The following ANK2 variants were observed in gnomAD, a reference collection of about 807,000 sequenced individuals.
The protein encoded by ANK2 is ankyrin 2.
In ANK2, 83 loss-of-function variants were observed where a neutral mutation model predicts 360.5. That is an observed-to-expected ratio of 0.23 (90% CI 0.19 to 0.28). ANK2 has a LOEUF of 0.28. Among genes scored for constraint, ANK2 ranks in the 10% least tolerant of loss-of-function variants. ANK2 has a pLI of 1.00. For missense variants in ANK2, 4,201 were observed against 4,795.7 expected (o/e 0.88, Z 3.66); for synonymous variants, 1,740 against 1,759.5 (o/e 0.99, Z 0.28).
At chr4:113,129,945 C>T (rs2095904761) in intron 1 of ANK2, among the ~76,000 whole-genome samples, 1 of 152,072 alleles carries the variant, frequency 6.6e-6, no homozygotes, top group South Asian at 2.1e-4. Flanking sequence ...TTCTATCTCC[C>T]TTCTGTTTTG....
rs559026488 is a variant in ANK2 at position 112,833,499 on chromosome 4, G to A, written c.-40+15235G>A. On this transcript the variant is annotated intron_variant, in intron 1 of 30. Coordinates refer to the ANK2 transcript ENST00000503271. ...ATATTTTTTCTTTTAATTTATGAAT[G>A]ATTTATGTATTTTTTTTTTTTTGAG... is the stretch of plus-strand genomic sequence containing the variant. Among the ~76,000 whole-genome samples the A allele has an allele frequency of 4.3e-5, 6 of 139,994 alleles. No individual in the cohort carries two copies. In the East Asian group the frequency reaches 1.4e-3, roughly 32 times the overall value. 91.8% of individuals were successfully genotyped at this position (139,994 alleles called of 152,430 possible).
chr4:113,293,299 G>C, intron 21 of ANK2, 141 bp from the exon 22 acceptor site: 3 of 764,506 alleles, frequency 3.9e-6, no homozygotes, highest in Non-Finnish European at 6.8e-6. Flanking sequence ...TAGACGTAAT[G>C]GTAAAAACTA....
the ANK2 span, among the ~76,000 whole-genome samples, chr4:112,736,923 T>G: frequency 0.02 from 3,022 of 152,250 alleles, 115 homozygotes; most frequent in African/African-American, 0.069. Flanking sequence ...AGGAGCACAA[T>G]TACATTGTTC....
intron 1 of ANK2, among the ~76,000 whole-genome samples, chr4:113,071,414 T>A (rs1274649385): frequency 6.6e-6 from 1 of 152,198 alleles, no homozygotes; most frequent in Non-Finnish European, 1.5e-5. Context: ...GACCAAGAGA[T>A]CAGGCAGGGC....
intron 4 of ANK2, among the ~76,000 whole-genome samples, chr4:113,207,123 A>T (rs2098960978): frequency 6.6e-6 from 1 of 152,200 alleles, no homozygotes; most frequent in South Asian, 2.1e-4. Context: ...ACACACACAC[A>T]CACACTCCCA....
chr4:113,107,509 G>A (rs573076595), intron 1 of ANK2, among the ~76,000 whole-genome samples: 5 of 152,122 alleles, frequency 3.3e-5, no homozygotes, highest in Non-Finnish European at 5.9e-5. Context: ...GAGCCACCGC[G>A]CCCAGCCAGT....
chr4:112,971,522 A>C (rs1187928065), intron 2 of ANK2, among the ~76,000 whole-genome samples: 1 of 152,238 alleles, frequency 6.6e-6, no homozygotes, highest in Non-Finnish European at 1.5e-5. Context: ...CTATAAGGGC[A>C]TATTGTAATT....
intron 2 of ANK2, among the ~76,000 whole-genome samples, chr4:112,981,404 T>C (rs1266187266): frequency 6.6e-6 from 1 of 152,120 alleles, no homozygotes; most frequent in Non-Finnish European, 1.5e-5. Context: ...GAGAAGCGGA[T>C]TGAGAACAGT....
chr4:113,352,112 C>T (rs986140354), intron 37 of ANK2, among the ~76,000 whole-genome samples: 4 of 152,168 alleles, frequency 2.6e-5, no homozygotes, highest in Non-Finnish European at 4.4e-5. Flanking sequence ...TCCTCCTGCC[C>T]ATACGTTTCA....
At chr4:113,174,330 T>G in intron 1 of ANK2, 86 bp from the exon 2 acceptor site, 1 of 1,140,954 alleles carries the variant, frequency 8.8e-7, no homozygotes, top group Non-Finnish European at 1.3e-6. Context: ...CTTTTCTGAC[T>G]TCAGTGTAAA....
upstream of ANK2, among the ~76,000 whole-genome samples, chr4:112,816,191 CA>C (rs2149483818): frequency 6.6e-6 from 1 of 152,308 alleles, no homozygotes; most frequent in East Asian, 1.9e-4. Flanking sequence ...TTGGTGTCTG[CA>C]GAAAATTGGG....
intron 20 of ANK2, 25 bp downstream of exon 20, chr4:113,288,511 A>T: frequency 6.3e-7 from 1 of 1,591,218 alleles, no homozygotes; most frequent in Non-Finnish European, 8.6e-7. Context: ...GTCATTTTCA[A>T]TTCCTATAAG....
intron 20 of ANK2, among the ~76,000 whole-genome samples, chr4:113,290,456 A>T (rs1431757304): frequency 3.3e-5 from 5 of 152,196 alleles, no homozygotes; most frequent in African/African-American, 1.2e-4. Context: ...TGGCAAAATT[A>T]ACTTGTTTTA....
In ANK2 at chr4:112,820,802, T is replaced by C. The variant is rs186763868; in HGVS notation, c.-40+2538T>C. Among the ~76,000 whole-genome samples, 8 of 152,040 alleles carry C rather than the reference T, an allele frequency of 5.3e-5. No individual in the cohort carries two copies. The South Asian group carries it at 1.5e-3, about 28-fold the overall frequency. On this transcript the variant is annotated intron_variant, in intron 1 of 30. Coordinates refer to the ANK2 transcript ENST00000503271. ...TTGCCCAGGCTGGAGTGCAGGGGCA[T>C]GATCATAGCTCATGTAACCTTAAAC...
At chr4:112,719,447 G>C in the ANK2 span, among the ~76,000 whole-genome samples, 1 of 152,018 alleles carries the variant, frequency 6.6e-6, no homozygotes, top group Non-Finnish European at 1.5e-5. Context: ...GGTATAATTC[G>C]GCCGGGCACG....
chr4:112,895,998 C>T (rs748140059), intron 1 of ANK2, among the ~76,000 whole-genome samples: 1 of 152,220 alleles, frequency 6.6e-6, no homozygotes, highest in Non-Finnish European at 1.5e-5. Context: ...TTTGCCTCAG[C>T]ATGCTGCATA....
the ANK2 span, among the ~76,000 whole-genome samples, chr4:112,749,862 C>T: frequency 6.6e-6 from 1 of 152,038 alleles, no homozygotes; most frequent in African/African-American, 2.4e-5. Flanking sequence ...TCTCCTGCCT[C>T]AGGCTCCCGA....
At chr4:113,285,341 G>C (rs1024923136) in intron 18 of ANK2, among the ~76,000 whole-genome samples, 3 of 152,060 alleles carry the variant, frequency 2.0e-5, no homozygotes, top group Non-Finnish European at 4.4e-5. Context: ...GATCCCTTCA[G>C]TTGAGGGCTC....
intron 1 of ANK2, among the ~76,000 whole-genome samples, chr4:113,173,632 C>T (rs189640970): frequency 1.5e-4 from 23 of 152,278 alleles, no homozygotes; most frequent in African/African-American, 4.1e-4. Flanking sequence ...CAACTCTCTT[C>T]GGACTTTTCA....
Sources: allele counts gnomAD v4.1 joint callset (sites outside exome capture counted in the v4.1 genomes callset), GRCh38; gene constraint gnomAD v4.1.1; transcripts MANE v1.5; gene names NCBI Gene and HGNC (gene_info 2026-07-23, HGNC 2026-07-21).